Variants in THNSL1 observed in about 807,000 individuals in gnomAD.
The protein encoded by THNSL1 is threonine synthase-like 1.
In THNSL1, 48 loss-of-function variants were observed where a neutral mutation model predicts 50.4. The observed-to-expected ratio is 0.95, with a 90% CI of 0.76 to 1.21. THNSL1 has a LOEUF of 1.21. THNSL1 is among the 50% of genes most tolerant of loss of function. THNSL1 has a pLI of 0.00. For missense variants in THNSL1, 896 were observed against 871.7 expected, an observed-to-expected ratio of 1.03 and a Z score of -0.35; for synonymous variants, 309 against 306.1, an observed-to-expected ratio of 1.01 and a Z score of -0.10.
At chr10:24,998,159 G>A in the THNSL1 span, among the ~76,000 whole-genome samples, 54 of 152,268 alleles carry the variant, frequency 3.5e-4, 1 homozygote, top group African/African-American at 1.3e-3. Flanking sequence ...ATAAAGAGAA[G>A]TAGTTTCACT....
chr10:24,961,292 A>C, the THNSL1 span, among the ~76,000 whole-genome samples: 1 of 152,224 alleles, frequency 6.6e-6, no homozygotes, highest in Non-Finnish European at 1.5e-5. Context: ...TAAACTCCTT[A>C]TAAACATCAT....
chr10:24,961,453 A>T, the THNSL1 span, among the ~76,000 whole-genome samples: 1 of 152,196 alleles, frequency 6.6e-6, no homozygotes, highest in Non-Finnish European at 1.5e-5. Flanking sequence ...CTCTCCAGAA[A>T]TGGAATTTCT....
chr10:24,984,935 C>T, the THNSL1 span: 1 of 1,566,414 alleles, frequency 6.4e-7, no homozygotes, highest in Non-Finnish European at 8.7e-7. Context: ...TTGTAAATAC[C>T]AAAGCAAACT....
chr10:24,990,662 T>C, the THNSL1 span: 2 of 1,491,400 alleles, frequency 1.3e-6, no homozygotes, highest in Non-Finnish European at 1.8e-6. Flanking sequence ...CAATCTTACA[T>C]ATGGGTACGT....
chr10:25,015,772 T>C, upstream of THNSL1: 1 of 1,187,798 alleles, frequency 8.4e-7, no homozygotes, highest in Non-Finnish European at 1.1e-6. Flanking sequence ...TTTTATTTAT[T>C]ATTAAAAATT....
At position 25,025,231 on chromosome 10, in the gene THNSL1, A is replaced by G. The variant is rs1850824919; in HGVS notation, c.2008A>G (p.Lys670Glu). ...VIISSTAHYS[K>E]FAPAIMQALK... is the part of the protein sequence containing the mutation. ...TATCTCATCTACAGCCCATTACTCA[A>G]AGTTTGCACCTGCTATCATGCAGGC... Residue 670 changes from lysine (K) to glutamate (E), a missense_variant, in exon 3 of 3, where the codon AAG (lysine) becomes GAG (glutamate). Transcript: ENST00000376356. 6.2e-7 allele frequency: 1 copy of G among 1,614,204 alleles called. No individual in the cohort carries two copies. Among genetic ancestry groups the G allele is most frequent in the Non-Finnish European group, 8.5e-7 (1 of 1,180,040 alleles).
At chr10:25,017,188 C>T (rs1850617177) in intron 1 of THNSL1, among the ~76,000 whole-genome samples, 1 of 152,190 alleles carries the variant, frequency 6.6e-6, no homozygotes, top group Admixed American at 6.5e-5. Context: ...TTTAAGTGGG[C>T]CTTTACGTTT....
chr10:24,972,514 A>T, the THNSL1 span, among the ~76,000 whole-genome samples: 9 of 149,302 alleles, frequency 6.0e-5, no homozygotes, highest in African/African-American at 2.3e-4. Flanking sequence ...TCTCAAAAAA[A>T]AAAAAATAAA....
At chr10:25,004,953 G>A in the THNSL1 span, among the ~76,000 whole-genome samples, 1 of 152,158 alleles carries the variant, frequency 6.6e-6, no homozygotes, top group Admixed American at 6.5e-5. Context: ...TGAGAGGAAT[G>A]GGTCCAGTTT....
chr10:25,020,499 G>C (rs1850698343), intron 1 of THNSL1, among the ~76,000 whole-genome samples: 1 of 152,126 alleles, frequency 6.6e-6, no homozygotes, highest in South Asian at 2.1e-4. Flanking sequence ...CAGTATGGTG[G>C]TTCATGCCTC....
chr10:24,983,620 A>G, the THNSL1 span: 6 of 152,222 alleles, frequency 3.9e-5, no homozygotes, highest in Non-Finnish European at 4.4e-5. Flanking sequence ...TCAAAAAATA[A>G]TTGTATATAA....
At chr10:24,974,537 A>T in the THNSL1 span, among the ~76,000 whole-genome samples, 1 of 152,350 alleles carries the variant, frequency 6.6e-6, no homozygotes. Flanking sequence ...GGAACATAAG[A>T]CTAAATGACA....
chr10:24,979,872 C>T, the THNSL1 span, among the ~76,000 whole-genome samples: 3 of 152,200 alleles, frequency 2.0e-5, no homozygotes, highest in South Asian at 2.1e-4. Context: ...CAGAAAATGG[C>T]GGCCCCGCCC....
At chr10:24,979,269 C>T in the THNSL1 span, among the ~76,000 whole-genome samples, 1 of 152,162 alleles carries the variant, frequency 6.6e-6, no homozygotes, top group Non-Finnish European at 1.5e-5. Flanking sequence ...CATAGTGGGT[C>T]CAATGCTAAT....
At chr10:25,016,449 A>G (rs2291585), upstream of THNSL1, among the ~76,000 whole-genome samples, 42,440 of 152,108 alleles carry the variant, frequency 0.28, 6,446 homozygotes, top group East Asian at 0.5. Flanking sequence ...GCAGGCCCCA[A>G]TCGCGGTGTG....
chr10:24,984,292 G>T, the THNSL1 span: 2 of 1,473,592 alleles, frequency 1.4e-6, no homozygotes, highest in Non-Finnish European at 1.8e-6. Flanking sequence ...GTTGGAGACA[G>T]TTTAGAGTAG....
upstream of THNSL1, chr10:25,015,841 T>C (rs990142688): frequency 3.8e-6 from 6 of 1,588,072 alleles, no homozygotes; most frequent in African/African-American, 1.4e-5. Context: ...CAAGTGATAG[T>C]CTTTGCTTAT....
At chr10:25,007,261 C>T in the THNSL1 span, among the ~76,000 whole-genome samples, 1 of 152,150 alleles carries the variant, frequency 6.6e-6, no homozygotes, top group South Asian at 2.1e-4. Flanking sequence ...AAAAATGAGT[C>T]TAACGTTCAC....
chr10:25,012,498 T>C (rs1850470035), upstream of THNSL1, among the ~76,000 whole-genome samples: 1 of 152,210 alleles, frequency 6.6e-6, no homozygotes, highest in African/African-American at 2.4e-5. Flanking sequence ...CCCAAGACCA[T>C]AGGATCCCAC....
Sources: allele counts gnomAD v4.1 joint callset (sites outside exome capture counted in the v4.1 genomes callset), GRCh38; gene constraint gnomAD v4.1.1; transcripts MANE v1.5; gene names NCBI Gene and HGNC (gene_info 2026-07-23, HGNC 2026-07-21).